Variants in TASOR observed in about 807,000 individuals in gnomAD.
The protein encoded by TASOR is transcription activation suppressor, also known as protein TASOR.
TASOR carries 53 observed loss-of-function variants against 178.6 expected under a neutral mutation model. The observed-to-expected ratio is 0.30, with a 90% CI of 0.24 to 0.37. The LOEUF is 0.37. Among genes scored for constraint, TASOR ranks in the 10% least tolerant of loss-of-function variants. TASOR has a pLI of 1.00. For synonymous variants in TASOR, 713 were observed against 696.2 expected, an observed-to-expected ratio of 1.02 and a Z score of -0.38; for missense variants, 1,815 against 1,971.4, an observed-to-expected ratio of 0.92 and a Z score of 1.50.
chr3:56,676,192 T>C (rs749800922), intron 1 of TASOR, among the ~76,000 whole-genome samples: 1 of 152,204 alleles, frequency 6.6e-6, no homozygotes, highest in Non-Finnish European at 1.5e-5. Context: ...CACATCCCAG[T>C]AGCTAGACCT....
At chr3:56,672,532 T>C (rs1236334932) in intron 2 of TASOR, among the ~76,000 whole-genome samples, 1 of 152,220 alleles carries the variant, frequency 6.6e-6, no homozygotes. Flanking sequence ...AAAACATCTA[T>C]ACATTCTGGC....
chr3:56,681,071 T>C (rs1227082191), intron 1 of TASOR, among the ~76,000 whole-genome samples: 2 of 148,872 alleles, frequency 1.3e-5, no homozygotes, highest in African/African-American at 2.5e-5. Context: ...GCCAATCTTC[T>C]GGTCCTAACA....
chr3:56,669,551 G>A, intron 5 of TASOR, 149 bp downstream of exon 5: 1 of 546,278 alleles, frequency 1.8e-6, no homozygotes, highest in Non-Finnish European at 3.2e-6. Context: ...AAAAAAGATG[G>A]CAAATAAACC....
At chr3:56,682,370 CAG>C (rs1289650294) in intron 1 of TASOR, among the ~76,000 whole-genome samples, 1 of 148,632 alleles carries the variant, frequency 6.7e-6, no homozygotes. Context: ...TCTCTGCTTT[CAG>C]GGGCTGGGAG....
At chr3:56,671,157 G>A (rs1280042775) in intron 3 of TASOR, among the ~76,000 whole-genome samples, 2 of 151,848 alleles carry the variant, frequency 1.3e-5, no homozygotes. Context: ...TGGCCCACAT[G>A]GTGATACCCC....
intron 14 of TASOR, among the ~76,000 whole-genome samples, chr3:56,645,166 G>A (rs2077210090): frequency 6.6e-6 from 1 of 152,128 alleles, no homozygotes; most frequent in African/African-American, 2.4e-5. Context: ...TCCAGCTACT[G>A]GGGAGACTCA....
intron 17 of TASOR, among the ~76,000 whole-genome samples, chr3:56,637,796 G>A (rs1433346727): frequency 6.6e-6 from 1 of 151,774 alleles, no homozygotes; most frequent in Non-Finnish European, 1.5e-5. Context: ...ATATAAAAAA[G>A]ATCACCACCA....
At chr3:56,627,407 C>G (rs1374159865) in intron 20 of TASOR, among the ~76,000 whole-genome samples, 175 bp downstream of exon 20, 2 of 152,054 alleles carry the variant, frequency 1.3e-5, no homozygotes, top group East Asian at 1.9e-4. Context: ...TGCTTTACAC[C>G]ACATTTAGAG....
intron 1 of TASOR, among the ~76,000 whole-genome samples, chr3:56,674,201 T>TAAAAAAAAAAAAAAAAAAAAAAAA (rs11348732): frequency 8.9e-6 from 1 of 111,850 alleles, no homozygotes; most frequent in Non-Finnish European, 1.8e-5. Context: ...TCTTTAAGTT[T>TAAAAAAAAAAAAAAAAAAAAAAAA]AAAAAAAAAA....
At chr3:56,672,283 T>C (rs1210986915) in intron 2 of TASOR, among the ~76,000 whole-genome samples, 2 of 152,346 alleles carry the variant, frequency 1.3e-5, no homozygotes, top group Admixed American at 1.3e-4. Flanking sequence ...AGGCTATTAC[T>C]GCTCTTTAAT....
chr3:56,662,890 T>C (rs1032065631), intron 8 of TASOR, among the ~76,000 whole-genome samples: 10 of 152,154 alleles, frequency 6.6e-5, no homozygotes, highest in African/African-American at 1.7e-4. Flanking sequence ...AAAGAAACTT[T>C]AAAATAGGCT....
chr3:56,679,936 G>A (rs1007193147), intron 1 of TASOR, among the ~76,000 whole-genome samples: 11 of 152,158 alleles, frequency 7.2e-5, no homozygotes, highest in Middle Eastern at 3.4e-3. Flanking sequence ...AGTCAAAGAC[G>A]CACTTAGTAT....
rs780536630 is a variant in TASOR, at chr3:56,625,044, T to A, written c.4140-38A>T. 8 of 1,576,486 alleles carry A rather than the reference T, an allele frequency of 5.1e-6. No individual in the cohort carries two copies. The Admixed American group carries it at 1.5e-4, about 30-fold the overall frequency. On this transcript the variant is annotated intron_variant, in intron 21 of 23. Transcript: ENST00000683822. ...GCAGTTCAGTTTCTGGATCTGTACTTCTAAAATTTAGTATGGAAATTTCTG... is the reference window on the plus strand; with the variant it reads ...GCAGTTCAGTTTCTGGATCTGTACTACTAAAATTTAGTATGGAAATTTCTG...
At chr3:56,634,166 G>C (rs1442203032) in intron 17 of TASOR, among the ~76,000 whole-genome samples, 200 bp from the exon 18 acceptor site, 2 of 152,156 alleles carry the variant, frequency 1.3e-5, no homozygotes, top group Non-Finnish European at 2.9e-5. Context: ...TAGAGTTGTA[G>C]CTAGTGTTAA....
rs370986344 is a variant in TASOR at position 56,644,677 on chromosome 3, T to C, written c.2215+1845A>G. On this transcript the variant is annotated intron_variant, in intron 14 of 23. Transcript: ENST00000683822. ...AGCAATACTGAGAAGAACATGATAC[T>C]GAAACGGGTGCAAGAAGGTAGTAAG... 1.4e-5 allele frequency among the ~76,000 whole-genome samples: 2 copies of C among 143,084 alleles called. 1 individual carries two copies. The highest frequency in any genetic ancestry group is 5.2e-5 in the African/African-American group (2 of 38,128). The allele number at this position is 143,084 out of a possible 152,430, so 93.9% of individuals were successfully genotyped here.
intron 21 of TASOR, among the ~76,000 whole-genome samples, chr3:56,625,681 A>G (rs1049419789): frequency 6.6e-6 from 1 of 151,794 alleles, no homozygotes; most frequent in African/African-American, 2.4e-5. Flanking sequence ...TTATGGCTCT[A>G]AGCTATTTCT....
chr3:56,633,452 C>T lies in TASOR; in HGVS notation c.3339G>A (p.Ser1113=), dbSNP rs3732514. The T allele has an allele frequency of 0.02, 32,130 of 1,614,006 alleles. 1,277 individuals carry two copies. The highest frequency in any genetic ancestry group is 0.2 in the East Asian group (8,773 of 44,884). The change falls in exon 18 of 24, where the codon TCG becomes TCA. Residue 1113 remains serine (S), a synonymous_variant. Transcript: ENST00000683822. ...SPNDSGAKIA[S]NPLERHVIPV... ...GTATGACATGCCTTTCCAGAGGATTCGATGCTATCTTAGCACCAGAATCGT... is the reference window on the plus strand; with the variant it reads ...GTATGACATGCCTTTCCAGAGGATTTGATGCTATCTTAGCACCAGAATCGT...
intron 9 of TASOR, 76 bp downstream of exon 9, chr3:56,662,309 T>C: frequency 2.6e-6 from 2 of 774,472 alleles, no homozygotes; most frequent in Non-Finnish European, 4.2e-6. Flanking sequence ...AATTTAAATA[T>C]GAAAAAGAAA....
At chr3:56,652,839 G>A (rs1396004352) in intron 11 of TASOR, among the ~76,000 whole-genome samples, 2 of 152,138 alleles carry the variant, frequency 1.3e-5, no homozygotes, top group East Asian at 1.9e-4. Flanking sequence ...ATAAGACACA[G>A]CTAAATACAG....
Sources: allele counts gnomAD v4.1 joint callset (sites outside exome capture counted in the v4.1 genomes callset), GRCh38; gene constraint gnomAD v4.1.1; transcripts MANE v1.5; gene names NCBI Gene and HGNC (gene_info 2026-07-23, HGNC 2026-07-21).